Variants in MAP3K2 observed in about 807,000 individuals in gnomAD.
MAP3K2 encodes MAP/ERK kinase kinase 2.
In MAP3K2, 24 loss-of-function variants were observed where a neutral mutation model predicts 80.3. That is an observed-to-expected ratio of 0.30 (90% CI 0.22 to 0.42). The LOEUF is 0.42. Ranked by LOEUF, MAP3K2 falls within the 10% of genes least tolerant of loss-of-function variation. MAP3K2 has a pLI of 1.00. For synonymous variants in MAP3K2, 244 were observed against 253.7 expected (o/e 0.96, Z 0.36); for missense variants, 608 against 750.1 (o/e 0.81, Z 2.21).
Position 127,387,504 on chromosome 2 carries a change from C to T in MAP3K2, c.-118G>A, listed in dbSNP as rs1322826429. ...CGCAGGCCCAAGGAGGGGCCGCCCCCGCCGAGCCCGCCCCTCCGCCCCAGC... is the reference window on the plus strand; with the variant it reads ...CGCAGGCCCAAGGAGGGGCCGCCCCTGCCGAGCCCGCCCCTCCGCCCCAGC... On this transcript the variant is annotated 5_prime_UTR_variant, in exon 1 of 17. Coordinates refer to ENST00000682094, the MANE Select transcript of MAP3K2 (RefSeq NM_001371910.2). The T allele has an allele frequency of 1.6e-5, 16 of 984,890 alleles. No homozygotes were observed. The highest frequency in any genetic ancestry group is 8.4e-6 in the Non-Finnish European group (7 of 829,812). 61.0% of individuals were successfully genotyped at this position (984,890 alleles called of 1,614,324 possible). A position where few individuals can be genotyped will look rare whatever the true frequency, so the allele number is the denominator to read the frequency against.
At position 127,324,005 on chromosome 2, in the gene MAP3K2, A is replaced by G; in HGVS notation, c.746-11T>C. The G allele has an allele frequency of 7.7e-7, 1 of 1,290,950 alleles. No individual in the cohort carries two copies. Among genetic ancestry groups the G allele is most frequent in the Non-Finnish European group, 1.1e-6 (1 of 924,494 alleles). The allele number at this position is 1,290,950 out of a possible 1,614,324, so 80.0% of individuals were successfully genotyped here. A position where few individuals can be genotyped will look rare whatever the true frequency, so the allele number is the denominator to read the frequency against. On this transcript the variant is annotated splice_polypyrimidine_tract_variant and intron_variant, in intron 10 of 16. Coordinates refer to ENST00000682094, the MANE Select transcript of MAP3K2 (RefSeq NM_001371910.2). Reference sequence around the variant, plus strand: ...TAGGGTTATCATAGTCTGTTAAGACATATAAGATGGTTATCTTTTATTTAA... The same window carrying G: ...TAGGGTTATCATAGTCTGTTAAGACGTATAAGATGGTTATCTTTTATTTAA...
At chr2:127,337,055 T>C (rs1013497194) in intron 4 of MAP3K2, among the ~76,000 whole-genome samples, 6 of 152,094 alleles carry the variant, frequency 3.9e-5, no homozygotes, top group Non-Finnish European at 7.4e-5. Context: ...GGCAGGAGAA[T>C]TGCTTGAACC....
At chr2:127,375,736 T>C (rs925626728) in intron 1 of MAP3K2, among the ~76,000 whole-genome samples, 2 of 152,152 alleles carry the variant, frequency 1.3e-5, no homozygotes, top group Non-Finnish European at 2.9e-5. Context: ...TGGCCCATCC[T>C]CTAAATCCGC....
At chr2:127,388,440 A>AT, upstream of MAP3K2, 1 of 984,164 alleles carries the variant, frequency 1.0e-6, no homozygotes, top group Non-Finnish European at 1.2e-6. Flanking sequence ...AAGTTTCAGA[A>AT]TTTTTTTCCT....
At chr2:127,342,343 T>C (rs1686509055) in intron 2 of MAP3K2, among the ~76,000 whole-genome samples, 2 of 151,590 alleles carry the variant, frequency 1.3e-5, no homozygotes, top group South Asian at 2.1e-4. Context: ...GAAAGTGTCC[T>C]AGCCCCCACT....
At chr2:127,355,732 C>T (rs543167765) in intron 1 of MAP3K2, among the ~76,000 whole-genome samples, 93 of 152,122 alleles carry the variant, frequency 6.1e-4, no homozygotes, top group African/African-American at 2.2e-3. Flanking sequence ...ATAAGTTTGC[C>T]GTGTCAATTG....
intron 2 of MAP3K2, among the ~76,000 whole-genome samples, chr2:127,340,346 G>A (rs1340269614): frequency 3.3e-5 from 5 of 152,178 alleles, no homozygotes; most frequent in Non-Finnish European, 1.5e-5. Flanking sequence ...AAAAGCATTT[G>A]ATGTGACCTT....
chr2:127,299,678 C>A lies in MAP3K2; in HGVS notation c.*7901G>T, dbSNP rs1479669809. ...AAAGAGAATTTAATGCTTTTTCTTG[C>A]AAGAGTATTTTAATTGAGCTCTAAG... is the stretch of plus-strand genomic sequence containing the variant. On this transcript the variant is annotated 3_prime_UTR_variant, in exon 17 of 17. Transcript: ENST00000682094. 1 of 152,064 alleles carries A rather than the reference C, an allele frequency of 6.6e-6. No individual in the cohort carries two copies. The highest frequency in any genetic ancestry group is 1.5e-5 in the Non-Finnish European group (1 of 67,974). 9.4% of individuals were successfully genotyped at this position (152,064 alleles called of 1,614,324 possible).
chr2:127,366,548 TCCC>T (rs1334680082), intron 1 of MAP3K2, among the ~76,000 whole-genome samples: 2 of 152,108 alleles, frequency 1.3e-5, no homozygotes, highest in African/African-American at 2.4e-5. Flanking sequence ...AATGTGTTTT[TCCC>T]CCCATTTGAA....
chr2:127,313,599 A>G (rs139379588), intron 15 of MAP3K2, among the ~76,000 whole-genome samples: 10 of 152,358 alleles, frequency 6.6e-5, no homozygotes, highest in African/African-American at 2.4e-4. Context: ...AATGAGTAAT[A>G]TCTTTATACA....
intron 1 of MAP3K2, 29 bp downstream of exon 1, chr2:127,387,423 A>ACACACAC (rs1553520024): frequency 1.2e-4 from 54 of 456,752 alleles, no homozygotes; most frequent in African/African-American, 2.4e-4. Context: ...CACACACACA[A>ACACACAC]GCGCGCGCGC....
At chr2:127,337,802 C>A (rs1402422078) in intron 3 of MAP3K2, 24 bp from the exon 4 acceptor site, 2 of 1,435,976 alleles carry the variant, frequency 1.4e-6, no homozygotes, top group Admixed American at 2.3e-5. Flanking sequence ...ACAAATCAGT[C>A]TTTCAGAGAT....
chr2:127,359,541 G>A (rs911958895), intron 1 of MAP3K2, among the ~76,000 whole-genome samples: 7 of 152,076 alleles, frequency 4.6e-5, no homozygotes, highest in African/African-American at 9.7e-5. Flanking sequence ...AGAAATGTTC[G>A]ACAATTTTTT....
At chr2:127,324,334 C>T in intron 9 of MAP3K2, 93 bp from the exon 10 acceptor site, 1 of 710,502 alleles carries the variant, frequency 1.4e-6, no homozygotes, top group Non-Finnish European at 2.3e-6. Context: ...ATCTGTGCCT[C>T]TCTGTATGTG....
intron 5 of MAP3K2, among the ~76,000 whole-genome samples, chr2:127,333,977 T>C (rs1183631991): frequency 6.6e-6 from 1 of 152,078 alleles, no homozygotes; most frequent in Non-Finnish European, 1.5e-5. Flanking sequence ...TGCCTGCCTG[T>C]GGTCCCAGCT....
chr2:127,340,664 GA>G (rs754899217), intron 2 of MAP3K2, among the ~76,000 whole-genome samples: 5,408 of 126,918 alleles, frequency 0.043, 120 homozygotes, highest in Middle Eastern at 0.087. Flanking sequence ...TTCCCAAAAG[GA>G]AAAAAAAAAA....
At chr2:127,388,037 G>C (rs1464833192), upstream of MAP3K2, 1 of 983,474 alleles carries the variant, frequency 1.0e-6, no homozygotes, top group African/African-American at 1.8e-5. Flanking sequence ...CCTCCGCCCG[G>C]CGGTAGCGGA....
intron 4 of MAP3K2, among the ~76,000 whole-genome samples, chr2:127,337,504 CTTAT>C (rs1573991144): frequency 1.3e-5 from 2 of 152,138 alleles, no homozygotes; most frequent in East Asian, 3.8e-4. Context: ...AAACAGTGAT[CTTAT>C]TTATCTCTGA....
At chr2:127,351,284 A>G (rs993564391) in intron 1 of MAP3K2, among the ~76,000 whole-genome samples, 5 of 152,106 alleles carry the variant, frequency 3.3e-5, no homozygotes, top group African/African-American at 1.2e-4. Context: ...TGGATTCTGG[A>G]TATGTAGAAA....
Sources: gnomAD v4.1 joint callset for allele counts (sites outside exome capture counted in the v4.1 genomes callset) on GRCh38, gnomAD v4.1.1 for gene constraint, MANE v1.5 for transcripts, NCBI Gene and HGNC (gene_info 2026-07-23, HGNC 2026-07-21) for gene names.